Variants in WDR49 observed in about 807,000 individuals in gnomAD.
The protein encoded by WDR49 is WD repeat domain 49.
In WDR49, 107 loss-of-function variants were observed where a neutral mutation model predicts 119.5. The observed-to-expected ratio is 0.90, with a 90% confidence interval of 0.77 to 1.05. WDR49 has a LOEUF of 1.05. WDR49 is among the 50% of genes least tolerant of loss of function. WDR49 has a pLI of 0.00. For synonymous variants in WDR49, 425 were observed against 418.8 expected (o/e 1.01, Z -0.18); for missense variants, 1,240 against 1,220.5 (o/e 1.02, Z -0.24).
chr3:167,506,840 T>C (rs1751789472), intron 16 of WDR49, among the ~76,000 whole-genome samples: 2 of 152,200 alleles, frequency 1.3e-5, no homozygotes, highest in African/African-American at 4.8e-5. Context: ...ATCTTGATAG[T>C]TTTAAGAAAT....
intron 2 of WDR49, among the ~76,000 whole-genome samples, chr3:167,628,391 T>C (rs1717225470): frequency 6.6e-6 from 1 of 152,006 alleles, no homozygotes; most frequent in African/African-American, 2.4e-5. Context: ...AAAGGAAAAG[T>C]TCTTGAAGGA....
chr3:167,485,325 CG>C (rs1006941581), intron 18 of WDR49, among the ~76,000 whole-genome samples: 8 of 151,220 alleles, frequency 5.3e-5, no homozygotes, highest in Admixed American at 3.3e-4. Flanking sequence ...AAAACCTTCA[CG>C]TTCTATACAT....
intron 10 of WDR49, among the ~76,000 whole-genome samples, chr3:167,542,796 A>C (rs1428077567): frequency 6.6e-6 from 1 of 151,998 alleles, no homozygotes; most frequent in Non-Finnish European, 1.5e-5. Context: ...GATCACAGCA[A>C]AAATAAATGA....
intron 15 of WDR49, among the ~76,000 whole-genome samples, chr3:167,524,387 T>A (rs1228217369): frequency 6.6e-6 from 1 of 152,212 alleles, no homozygotes; most frequent in Non-Finnish European, 1.5e-5. Flanking sequence ...TTTCTTTTGC[T>A]GTGCAGAAGC....
Position 167,545,509 on chromosome 3 carries a change from T to TATATATATATATATATATATATATATTA in WDR49, c.1824-8510_1824-8509insTAATATATATATATATATATATATATAT, listed in dbSNP as rs535132359. ...CCATATATATATTATATATTATATA[T>TATATATATATATATATATATATATATTA]TATATATATATATATGCACCCTGGA... is the stretch of plus-strand genomic sequence containing the variant. On this transcript the variant is annotated intron_variant, in intron 10 of 18. Transcript: ENST00000682715. Among the ~76,000 whole-genome samples, 139 of 108,198 alleles carry TATATATATATATATATATATATATATTA rather than the reference T, an allele frequency of 1.3e-3. 3 individuals carry two copies. Among genetic ancestry groups the TATATATATATATATATATATATATATTA allele is most frequent in the African/African-American group, 4.2e-3 (129 of 30,394 alleles). 71.0% of individuals were successfully genotyped at this position (108,198 alleles called of 152,430 possible).
At chr3:167,528,438 T>C (rs1463998502) in intron 14 of WDR49, among the ~76,000 whole-genome samples, 1 of 151,956 alleles carries the variant, frequency 6.6e-6, no homozygotes, top group Non-Finnish European at 1.5e-5. Flanking sequence ...AGTCCTCTAG[T>C]ATTTAAATTA....
At chr3:167,594,497 T>G (rs1034567323) in intron 7 of WDR49, among the ~76,000 whole-genome samples, 2 of 152,174 alleles carry the variant, frequency 1.3e-5, no homozygotes, top group African/African-American at 4.8e-5. Flanking sequence ...CAGTAAAGCA[T>G]TCAAGATGTG....
intron 2 of WDR49, among the ~76,000 whole-genome samples, chr3:167,647,140 C>T (rs1718165602): frequency 6.6e-6 from 1 of 152,052 alleles, no homozygotes; most frequent in African/African-American, 2.4e-5. Flanking sequence ...TAGCAGTGCC[C>T]TTAGTTCACA....
intron 9 of WDR49, among the ~76,000 whole-genome samples, chr3:167,556,020 G>C (rs1712903708): frequency 6.6e-6 from 1 of 152,128 alleles, no homozygotes; most frequent in South Asian, 2.1e-4. Flanking sequence ...TCTAAACATA[G>C]AAAAGGTACA....
intron 15 of WDR49, among the ~76,000 whole-genome samples, chr3:167,527,249 A>T (rs1301563095): frequency 1.3e-5 from 2 of 152,212 alleles, no homozygotes; most frequent in Middle Eastern, 3.4e-3. Context: ...GTAAAATGGG[A>T]ATTGTGAGAG....
chr3:167,592,325 T>C (rs1257650972), intron 7 of WDR49, among the ~76,000 whole-genome samples: 14 of 152,210 alleles, frequency 9.2e-5, no homozygotes, highest in Non-Finnish European at 4.4e-5. Context: ...TCTTTCTACT[T>C]CAGATAACAA....
At chr3:167,655,553 G>C (rs1718572733), upstream of WDR49, among the ~76,000 whole-genome samples, 2 of 152,076 alleles carry the variant, frequency 1.3e-5, no homozygotes, top group Non-Finnish European at 2.9e-5. Flanking sequence ...TTTCATTCAT[G>C]CTTTCATTTT....
chr3:167,494,227 T>C (rs1029147301), intron 18 of WDR49, among the ~76,000 whole-genome samples: 2 of 152,092 alleles, frequency 1.3e-5, no homozygotes, highest in Non-Finnish European at 2.9e-5. Flanking sequence ...TATAAACAAA[T>C]AGTAGAAGGC....
chr3:167,602,292 AG>A lies in WDR49; in HGVS notation c.1127-18del. 6.4e-7 allele frequency: 1 copy of A among 1,551,908 alleles called. No individual in the cohort carries two copies. The highest frequency in any genetic ancestry group is 8.8e-7 in the Non-Finnish European group (1 of 1,140,426). Reference sequence around the variant, plus strand: ...CAGCAGTTGCTAATCAGAATTAGAAAGAAAAAAAATGTTTTTAATAGCATGA... The same window carrying A: ...CAGCAGTTGCTAATCAGAATTAGAAAAAAAAAAATGTTTTTAATAGCATGA... On this transcript the variant is annotated intron_variant, in intron 6 of 18. Transcript: ENST00000682715.
intron 10 of WDR49, among the ~76,000 whole-genome samples, chr3:167,553,293 A>T (rs1712684139): frequency 6.6e-6 from 1 of 152,036 alleles, no homozygotes; most frequent in African/African-American, 2.4e-5. Flanking sequence ...AAAAGTGATA[A>T]TTTTTCCTAC....
intron 10 of WDR49, 55 bp from the exon 11 acceptor site, chr3:167,537,055 A>G (rs1298664066): frequency 3.5e-5 from 52 of 1,488,786 alleles, no homozygotes; most frequent in Non-Finnish European, 4.4e-5. Flanking sequence ...GTAGACATTG[A>G]GTAGCCACTA....
At chr3:167,528,065 G>T in intron 14 of WDR49, 48 bp from the exon 15 acceptor site, 9 of 1,511,366 alleles carry the variant, frequency 6.0e-6, no homozygotes, top group Non-Finnish European at 8.2e-6. Flanking sequence ...AATATGAAAT[G>T]ATTACAATGA....
intron 18 of WDR49, among the ~76,000 whole-genome samples, chr3:167,492,901 T>C (rs541553034): frequency 6.7e-6 from 1 of 149,588 alleles, no homozygotes; most frequent in African/African-American, 2.5e-5. Context: ...CAACATGACG[T>C]AGAAGGACCA....
chr3:167,633,662 G>T, intron 2 of WDR49: 1 of 353,964 alleles, frequency 2.8e-6, no homozygotes, highest in African/African-American at 2.1e-5. Context: ...ATACTGAATG[G>T]CGAAATAATT....
Sources: allele counts gnomAD v4.1 joint callset (sites outside exome capture counted in the v4.1 genomes callset), GRCh38; gene constraint gnomAD v4.1.1; transcripts MANE v1.5; gene names NCBI Gene and HGNC (gene_info 2026-07-23, HGNC 2026-07-21).